TERF1: variants seen among roughly 807,000 people sequenced by gnomAD.
TERF1 encodes telomeric repeat binding factor 1.
In TERF1, 20 loss-of-function variants were observed where a neutral mutation model predicts 55.1. That is an observed-to-expected ratio of 0.36 (90% CI 0.26 to 0.53). The LOEUF (loss-of-function observed/expected upper bound fraction) is 0.53. Among genes scored for constraint, TERF1 ranks in the 20% least tolerant of loss-of-function variants. TERF1 has a pLI of 0.91. For synonymous variants in TERF1, 168 were observed against 181.2 expected (o/e 0.93, Z 0.59); for missense variants, 439 against 535.7 (o/e 0.82, Z 1.78).
rs146956826 is a variant in TERF1 at position 73,038,218 on chromosome 8, G to A, written c.1040-898G>A. Reference sequence around the variant, plus strand: ...TAATTCCAGCACTTTGGGAGGCCAAGGCAGGAGGATTACTTGAGCCCAGGA... The same window carrying A: ...TAATTCCAGCACTTTGGGAGGCCAAAGCAGGAGGATTACTTGAGCCCAGGA... On this transcript the variant is annotated intron_variant, in intron 8 of 9. Transcript: ENST00000276603. 8.2e-4 allele frequency among the ~76,000 whole-genome samples: 124 copies of A among 152,036 alleles called. No individual in the cohort carries two copies. The Middle Eastern group carries it at 0.014, about 17-fold the overall frequency.
At chr8:73,013,663 G>C (rs1808368991) in intron 1 of TERF1, 1 of 428,438 alleles carries the variant, frequency 2.3e-6, no homozygotes, top group African/African-American at 2.1e-5. Context: ...ACTGCTACTT[G>C]TGAAAGAATT....
intron 8 of TERF1, among the ~76,000 whole-genome samples, chr8:73,037,134 ATAAT>A (rs1400924158): frequency 2.3e-5 from 3 of 130,306 alleles, no homozygotes; most frequent in Non-Finnish European, 4.8e-5. Context: ...TATATAATTA[ATAAT>A]TTATATATTA....
At chr8:73,044,288 C>T (rs758084548) in intron 9 of TERF1, among the ~76,000 whole-genome samples, 1 of 152,082 alleles carries the variant, frequency 6.6e-6, no homozygotes, top group Non-Finnish European at 1.5e-5. Context: ...AGCAAAAGCA[C>T]GTACAGAAGA....
intron 8 of TERF1, among the ~76,000 whole-genome samples, chr8:73,037,789 TATATA>T (rs1809640147): frequency 6.1e-5 from 3 of 49,218 alleles, no homozygotes; most frequent in Non-Finnish European, 1.3e-4. Context: ...TTATATATAA[TATATA>T]GTATAATAAT....
chr8:73,020,102 T>C (rs1808687141), intron 2 of TERF1, among the ~76,000 whole-genome samples: 1 of 152,170 alleles, frequency 6.6e-6, no homozygotes, highest in Non-Finnish European at 1.5e-5. Flanking sequence ...ATTGAATGAA[T>C]TGTAGACTGT....
chr8:73,039,249 C>G (rs1307589443), intron 9 of TERF1, 30 bp downstream of exon 9: 1 of 1,393,814 alleles, frequency 7.2e-7, no homozygotes, highest in African/African-American at 1.5e-5. Context: ...TCGAATAACG[C>G]TTATGGACAT....
At chr8:73,029,708 A>G (rs1300457657) in intron 6 of TERF1, among the ~76,000 whole-genome samples, 2 of 152,212 alleles carry the variant, frequency 1.3e-5, no homozygotes, top group Non-Finnish European at 2.9e-5. Context: ...CAGTGTTGAA[A>G]TAGTTGAGAT....
At chr8:73,032,888 C>CT (rs1232224281) in intron 8 of TERF1, among the ~76,000 whole-genome samples, 7 of 149,324 alleles carry the variant, frequency 4.7e-5, no homozygotes, top group African/African-American at 1.2e-4. Flanking sequence ...TTTTTTTATA[C>CT]TTTAAGTTTT....
intron 5 of TERF1, among the ~76,000 whole-genome samples, chr8:73,026,265 A>G (rs533528280): frequency 2.2e-4 from 34 of 151,550 alleles, no homozygotes; most frequent in Admixed American, 2.0e-3. Context: ...TGGGAAGCCA[A>G]AATGGGTGGA....
At chr8:73,025,861 A>C (rs1167944346) in intron 5 of TERF1, among the ~76,000 whole-genome samples, 1 of 149,550 alleles carries the variant, frequency 6.7e-6, no homozygotes, top group East Asian at 2.0e-4. Flanking sequence ...GAGCCACTGC[A>C]CTCCAGCCTG....
Position 73,008,918 on chromosome 8 carries a change from G to A in TERF1, c.32G>A (p.Ser11Asn), listed in dbSNP as rs974794290. 3.1e-6 allele frequency: 5 copies of A among 1,611,428 alleles called. No individual in the cohort carries two copies. Among genetic ancestry groups the A allele is most frequent in the Middle Eastern group, 3.3e-4 (2 of 5,972 alleles). MAEDVSSAAPSPRGCADGRDA... is the reference protein window; with the variant it reads MAEDVSSAAPNPRGCADGRDA... ...GAGGATGTTTCCTCAGCGGCCCCGA[G>A]CCCGCGGGGCTGTGCGGATGGTAGG... Residue 11 changes from serine (S) to asparagine (N), a missense_variant, in exon 1 of 10, where the codon AGC becomes AAC. Ser to Asn is a conservative substitution (Grantham distance 46, BLOSUM62 1). This residue lies in a region of TERF1 where 179 missense variants were observed against 152.6 expected (regional missense o/e 1.17). Transcript: ENST00000276603.
At chr8:73,040,311 G>A (rs1395612271) in intron 9 of TERF1, among the ~76,000 whole-genome samples, 1 of 152,040 alleles carries the variant, frequency 6.6e-6, no homozygotes, top group Non-Finnish European at 1.5e-5. Flanking sequence ...AAAACAGATG[G>A]CACACACTTC....
intron 5 of TERF1, among the ~76,000 whole-genome samples, chr8:73,025,306 T>A (rs903753593): frequency 2.0e-5 from 3 of 152,052 alleles, no homozygotes; most frequent in Non-Finnish European, 4.4e-5. Context: ...TGGGGAAAAA[T>A]AGAATTGTAT....
rs191060301 is a variant in TERF1 at position 73,032,207 on chromosome 8, A to T, written c.1039+74A>T. 5.7e-6 allele frequency: 6 copies of T among 1,056,142 alleles called. No individual in the cohort carries two copies. The Admixed American group carries it at 1.6e-4, about 27-fold the overall frequency. The allele number at this position is 1,056,142 out of a possible 1,614,324, so 65.4% of individuals were successfully genotyped here. A position where few individuals can be genotyped will look rare whatever the true frequency, so the allele number is the denominator to read the frequency against. ...AAACAATCCAGCCATTGACTTTACC[A>T]CTATAGCAAAAAAACACACACTTCA... On this transcript the variant is annotated intron_variant, in intron 8 of 9. Coordinates refer to ENST00000276603, the MANE Select transcript of TERF1 (RefSeq NM_017489.3).
At chr8:73,035,613 A>C (rs1809477961) in intron 8 of TERF1, among the ~76,000 whole-genome samples, 1 of 152,196 alleles carries the variant, frequency 6.6e-6, no homozygotes, top group African/African-American at 2.4e-5. Flanking sequence ...TTGTTGTATC[A>C]ATTAGAAAAG....
intron 4 of TERF1, 92 bp from the exon 5 acceptor site, chr8:73,024,730 G>A: frequency 1.1e-6 from 1 of 938,328 alleles, no homozygotes; most frequent in Non-Finnish European, 1.5e-6. Context: ...TTTGTAAAGT[G>A]ATTTCTTTTC....
At chr8:73,036,657 G>A (rs192671375) in intron 8 of TERF1, among the ~76,000 whole-genome samples, 1 of 151,562 alleles carries the variant, frequency 6.6e-6, no homozygotes, top group Admixed American at 6.6e-5. Context: ...ACATAAAATG[G>A]CATAGTCTTT....
intron 8 of TERF1, among the ~76,000 whole-genome samples, chr8:73,037,632 A>G (rs1404926181): frequency 1.0e-5 from 1 of 97,368 alleles, no homozygotes; most frequent in Non-Finnish European, 1.8e-5. Context: ...TATATTATAT[A>G]TAACATATAT....
At chr8:73,013,736 CTT>C in intron 1 of TERF1, 157 bp from the exon 2 acceptor site, 1 of 566,364 alleles carries the variant, frequency 1.8e-6, no homozygotes, top group Non-Finnish European at 3.1e-6. Flanking sequence ...CATTGCTATT[CTT>C]TTTTTTTGTT....
Sources: gnomAD v4.1 joint callset for allele counts (sites outside exome capture counted in the v4.1 genomes callset) on GRCh38, gnomAD v4.1.1 for gene constraint, gnomAD v4.1.1 regional missense constraint, MANE v1.5 for transcripts, NCBI Gene and HGNC (gene_info 2026-07-23, HGNC 2026-07-21) for gene names.